Variants in CFAP53 observed in about 807,000 individuals in gnomAD.
CFAP53 encodes the protein cilia- and flagella-associated protein 53.
A neutral mutation model predicts 59.7 loss-of-function variants in CFAP53; 62 were observed. The ratio of observed to expected loss-of-function variants is 1.04; its 90% CI spans 0.85 to 1.28. The LOEUF (loss-of-function observed/expected upper bound fraction) is 1.28, where lower values mean the gene tolerates loss of function less well. Ranked by LOEUF, CFAP53 falls within the 50% of genes most tolerant of loss-of-function variation. CFAP53 has a pLI of 0.00. For synonymous variants in CFAP53, 218 were observed against 205.7 expected (o/e 1.06, Z -0.51); for missense variants, 629 against 615.6 (o/e 1.02, Z -0.23).
intron 6 of CFAP53, among the ~76,000 whole-genome samples, chr18:50,241,459 A>T (rs1286740808): frequency 1.3e-5 from 2 of 152,206 alleles, no homozygotes; most frequent in Non-Finnish European, 2.9e-5. Flanking sequence ...GATCAAGAGC[A>T]TCATAGGCAG....
At chr18:50,228,450 A>C (rs948494516) in intron 7 of CFAP53, among the ~76,000 whole-genome samples, 1 of 152,106 alleles carries the variant, frequency 6.6e-6, no homozygotes, top group African/African-American at 2.4e-5. Context: ...GCCACATTTT[A>C]AATATATGAC....
chr18:50,266,334 A>G lies in CFAP53; in HGVS notation c.69+2T>C. On this transcript the variant is annotated splice_donor_variant, in intron 1 of 7. Coordinates refer to ENST00000398545, the MANE Select transcript of CFAP53 (RefSeq NM_145020.5). LOFTEE classifies it high-confidence loss of function. Reference sequence around the variant, plus strand: ...GGTCTGGCAGACATATCCTGTGCTTACCACGATCACCACTTTGGGGGTGGG... The same window carrying G: ...GGTCTGGCAGACATATCCTGTGCTTGCCACGATCACCACTTTGGGGGTGGG... 6.2e-7 allele frequency: 1 copy of G among 1,614,110 alleles called. No individual in the cohort carries two copies. The highest frequency in any genetic ancestry group is 8.5e-7 in the Non-Finnish European group (1 of 1,179,904).
chr18:50,227,364 T>C lies in CFAP53; in HGVS notation c.*17A>G, dbSNP rs747276317. 1.2e-5 allele frequency: 19 copies of C among 1,590,248 alleles called. No individual in the cohort carries two copies. Among genetic ancestry groups the C allele is most frequent in the Non-Finnish European group, 1.4e-5 (16 of 1,159,140 alleles). ...AATATTAAAAGACCAAGAAAAGATA[T>C]ATTGATGCTCACGGAACTACGGTGG... On this transcript the variant is annotated 3_prime_UTR_variant, in exon 8 of 8. Coordinates refer to ENST00000398545, the MANE Select transcript of CFAP53 (RefSeq NM_145020.5).
chr18:50,227,955 CT>C (rs1191228047), intron 7 of CFAP53, among the ~76,000 whole-genome samples: 137 of 90,084 alleles, frequency 1.5e-3, no homozygotes, highest in African/African-American at 5.6e-3. Context: ...AACTTTTCTC[CT>C]TTTTTTTTTT....
At chr18:50,254,626 C>T (rs559822079) in intron 3 of CFAP53, among the ~76,000 whole-genome samples, 21 of 152,232 alleles carry the variant, frequency 1.4e-4, no homozygotes, top group South Asian at 4.2e-4. Context: ...TGGTGGCTCA[C>T]GCCTGTAATC....
chr18:50,252,039 C>G (rs2033806277), intron 3 of CFAP53, among the ~76,000 whole-genome samples: 1 of 152,164 alleles, frequency 6.6e-6, no homozygotes, highest in African/African-American at 2.4e-5. Flanking sequence ...AAAACTCAAC[C>G]TGTTAACCCC....
intron 4 of CFAP53, 149 bp downstream of exon 4, chr18:50,251,332 T>G: frequency 1.4e-6 from 1 of 700,220 alleles, no homozygotes; most frequent in Non-Finnish European, 2.4e-6. Flanking sequence ...CACATTTGGA[T>G]ACATTATTAA....
chr18:50,243,938 C>G (rs557771961), intron 5 of CFAP53, among the ~76,000 whole-genome samples: 6 of 149,044 alleles, frequency 4.0e-5, no homozygotes. Context: ...GGCGACAGAG[C>G]GAGACTCCGT....
At chr18:50,262,243 C>T in intron 1 of CFAP53, 24 bp from the exon 2 acceptor site, 3 of 1,578,794 alleles carry the variant, frequency 1.9e-6, no homozygotes, top group Non-Finnish European at 2.6e-6. Context: ...CCAACTATCA[C>T]TTATAATAAG....
intron 7 of CFAP53, among the ~76,000 whole-genome samples, chr18:50,234,963 G>C (rs2033617881): frequency 6.6e-6 from 1 of 152,230 alleles, no homozygotes; most frequent in African/African-American, 2.4e-5. Flanking sequence ...AGAAGCTAAA[G>C]TCATGGCCAT....
At chr18:50,240,976 A>G (rs2033684857) in intron 6 of CFAP53, among the ~76,000 whole-genome samples, 1 of 152,242 alleles carries the variant, frequency 6.6e-6, no homozygotes, top group Non-Finnish European at 1.5e-5. Context: ...CTTGAAGCTG[A>G]GGGAACATAG....
intron 3 of CFAP53, among the ~76,000 whole-genome samples, chr18:50,252,550 C>T (rs1048913710): frequency 2.6e-5 from 4 of 152,134 alleles, no homozygotes; most frequent in Non-Finnish European, 2.9e-5. Context: ...ACTATAAGCA[C>T]ATGTCACCGT....
At chr18:50,253,644 A>C (rs2033821553) in intron 3 of CFAP53, among the ~76,000 whole-genome samples, 1 of 152,202 alleles carries the variant, frequency 6.6e-6, no homozygotes, top group Non-Finnish European at 1.5e-5. Context: ...ATTACTGCAA[A>C]TTTATTTTTA....
intron 7 of CFAP53, among the ~76,000 whole-genome samples, chr18:50,235,050 G>A (rs1456287398): frequency 2.6e-5 from 4 of 152,220 alleles, no homozygotes; most frequent in Non-Finnish European, 4.4e-5. Flanking sequence ...TGTGCTTAAC[G>A]CTGAGGCAGG....
chr18:50,237,395 C>A, intron 7 of CFAP53, among the ~76,000 whole-genome samples: 1 of 93,198 alleles, frequency 1.1e-5, no homozygotes, highest in Non-Finnish European at 2.1e-5. Context: ...TACACACACA[C>A]ACACACACAT....
At chr18:50,250,045 C>T (rs34674513) in intron 5 of CFAP53, among the ~76,000 whole-genome samples, 95,886 of 151,540 alleles carry the variant, frequency 0.63, 31,188 homozygotes, top group Admixed American at 0.72. Flanking sequence ...TTGGCAAAAC[C>T]CTGTCTCTAC....
chr18:50,261,793 T>C (rs747639065), intron 2 of CFAP53, among the ~76,000 whole-genome samples, 197 bp downstream of exon 2: 2 of 152,206 alleles, frequency 1.3e-5, no homozygotes, highest in African/African-American at 4.8e-5. Flanking sequence ...TAATGAAATA[T>C]GAAACAATAT....
rs372861728 is a variant in CFAP53, at chr18:50,251,733, C to G, written c.525G>C (p.Lys175Asn). 1 of 1,614,098 alleles carries G rather than the reference C, an allele frequency of 6.2e-7. No homozygotes were observed. Among genetic ancestry groups the G allele is most frequent in the Non-Finnish European group, 8.5e-7 (1 of 1,180,050 alleles). Residue 175 changes from lysine to asparagine, a missense_variant, in exon 4 of 8, where the codon AAG (lysine) becomes AAC (asparagine). Coordinates refer to ENST00000398545, the MANE Select transcript of CFAP53 (RefSeq NM_145020.5). ...RVELLSIHQK[K>N]VCEERKAQIA... ...TCTGTGCTTTCCGCTCCTCACACAC[C>G]TTCTTCTGATGGATAGATAACAATT...
intron 3 of CFAP53, among the ~76,000 whole-genome samples, chr18:50,257,155 G>C (rs2033853789): frequency 6.6e-6 from 1 of 152,036 alleles, no homozygotes; most frequent in African/African-American, 2.4e-5. Flanking sequence ...CGATGATTTA[G>C]GGCATTCCAT....
Sources: gnomAD v4.1 joint callset for allele counts (sites outside exome capture counted in the v4.1 genomes callset) on GRCh38, gnomAD v4.1.1 for gene constraint, MANE v1.5 for transcripts, NCBI Gene and HGNC (gene_info 2026-07-23, HGNC 2026-07-21) for gene names.